The following TNC variants were observed in gnomAD, a reference collection of about 807,000 sequenced individuals.
TNC encodes the protein tenascin.
A neutral mutation model predicts 202.4 loss-of-function variants in TNC; 109 were observed. The observed-to-expected ratio is 0.54, with a 90% CI of 0.46 to 0.63. The LOEUF (loss-of-function observed/expected upper bound fraction) is 0.63, where lower values mean the gene tolerates loss of function less well. Ranked by LOEUF, TNC falls within the 30% of genes least tolerant of loss-of-function variation. TNC has a pLI of 0.00. For missense variants in TNC, 2,756 were observed against 2,833.3 expected (o/e 0.97, Z 0.62); for synonymous variants, 1,007 against 1,089.7 (o/e 0.92, Z 1.50).
Position 115,031,670 on chromosome 9 carries a change from G to A in TNC, c.5803C>T (p.Pro1935Ser), listed in dbSNP as rs1035122448. The A allele has an allele frequency of 6.2e-7, 1 of 1,609,928 alleles. No individual in the cohort carries two copies. The highest frequency in any genetic ancestry group is 8.5e-7 in the Non-Finnish European group (1 of 1,178,364). The stretch of plus-strand genomic sequence containing the variant: ...GCCAGGCTGTAGGAGGTGGTATCTG[G>A]ACCCACAATGACTTCCTAAGAGCAG... ...DGTVKEVIVG[P>S]DTTSYSLADL... is the part of the protein sequence containing the mutation. Residue 1935 changes from proline to serine, a missense_variant, in exon 23 of 28, where the codon CCA becomes TCA. Coordinates refer to ENST00000350763, the MANE Select transcript of TNC (RefSeq NM_002160.4).
intron 4 of TNC, among the ~76,000 whole-genome samples, chr9:115,083,378 T>G (rs529888326): frequency 8.5e-5 from 13 of 152,150 alleles, no homozygotes; most frequent in Non-Finnish European, 1.6e-4. Flanking sequence ...CCAGAATGTT[T>G]CCACTTAAAG....
intron 15 of TNC, among the ~76,000 whole-genome samples, chr9:115,051,096 T>G (rs1831612339): frequency 6.6e-6 from 1 of 152,222 alleles, no homozygotes; most frequent in Non-Finnish European, 1.5e-5. Flanking sequence ...AAGAGACTTC[T>G]AAATATTTTC....
intron 1 of TNC, among the ~76,000 whole-genome samples, chr9:115,098,481 A>G (rs1375972931): frequency 6.6e-6 from 1 of 152,220 alleles, no homozygotes; most frequent in Admixed American, 6.6e-5. Flanking sequence ...CGAAGAAATC[A>G]ACAATCTGAT....
intron 1 of TNC, 128 bp from the exon 2 acceptor site, chr9:115,091,282 TACCCTTGA>T: frequency 2.2e-6 from 1 of 454,808 alleles, no homozygotes; most frequent in Non-Finnish European, 3.9e-6. Context: ...TTTCATTATA[TACCCTTGA>T]AATAACATAC....
intron 24 of TNC, 114 bp downstream of exon 24, chr9:115,030,140 A>C: frequency 8.8e-7 from 1 of 1,136,412 alleles, no homozygotes; most frequent in Non-Finnish European, 1.2e-6. Flanking sequence ...GCAAGGCCTC[A>C]CACATGGGGG....
Position 115,086,167 on chromosome 9 carries a change from A to G in TNC, c.1564T>C (p.Phe522Leu), listed in dbSNP as rs1222034492. 1 of 1,614,142 alleles carries G rather than the reference A, an allele frequency of 6.2e-7. No homozygotes were observed. Among genetic ancestry groups the G allele is most frequent in the South Asian group, 1.1e-5 (1 of 91,084 alleles). ...AGTTCTGCACAGTCAGGGCCGGTGA[A>G]GCCGTCCTCACAGACGCACTGTCCG... Reference protein sequence around the residue: ...VDGQCVCEDGFTGPDCAELSC... With the variant: ...VDGQCVCEDGLTGPDCAELSC... Residue 522 changes from phenylalanine to leucine, a missense_variant, in exon 3 of 28, where the codon TTC (phenylalanine) becomes CTC (leucine). Phe to Leu is a conservative substitution (Grantham distance 22). Transcript: ENST00000350763.
In TNC at chr9:115,080,322, A is replaced by AT. The variant is rs34497044; in HGVS notation, c.2404+1449dup. Among the ~76,000 whole-genome samples, 335 of 145,338 alleles carry AT rather than the reference A, an allele frequency of 2.3e-3. 5 individuals carry two copies. Among genetic ancestry groups the AT allele is most frequent in the South Asian group, 0.018 (80 of 4,558 alleles). On this transcript the variant is annotated intron_variant, in intron 6 of 27. Transcript: ENST00000350763. ...TCTTTGTCTTTCTGGTGATCTAATGATTTTTTTTTCCTGTTGGTACCTGCT... is the reference window on the plus strand; with the variant it reads ...TCTTTGTCTTTCTGGTGATCTAATGATTTTTTTTTTCCTGTTGGTACCTGCT...
rs764500685 is a variant in TNC at position 115,090,999 on chromosome 9, A to G, written c.20T>C (p.Leu7Pro). 3 of 1,611,924 alleles carry G rather than the reference A, an allele frequency of 1.9e-6. No individual in the cohort carries two copies. Among genetic ancestry groups the G allele is most frequent in the Non-Finnish European group, 2.5e-6 (3 of 1,180,002 alleles). Residue 7 changes from leucine (L) to proline (P), a missense_variant, in exon 2 of 28, where the codon CTG becomes CCG. Coordinates refer to ENST00000350763, the MANE Select transcript of TNC (RefSeq NM_002160.4). ...GAAAGCAAGAAAGACACCTGCCAAC[A>G]GCTGAGTCATGGCCCCCATGGTGGA... MGAMTQ[L>P]LAGVFLAFLA... is the part of the protein sequence containing the mutation.
At chr9:115,044,697 A>G (rs1017269112) in intron 17 of TNC, among the ~76,000 whole-genome samples, 1 of 152,168 alleles carries the variant, frequency 6.6e-6, no homozygotes. Flanking sequence ...TCTGCCTCTG[A>G]TCTGGAGTCG....
chr9:115,023,212 A>G (rs1327669604), intron 27 of TNC, among the ~76,000 whole-genome samples: 14 of 152,052 alleles, frequency 9.2e-5, no homozygotes, highest in Non-Finnish European at 1.8e-4. Context: ...TGTGGCCCCA[A>G]GGGAAGATCC....
chr9:115,053,940 TAA>T (rs1345670661), intron 15 of TNC, among the ~76,000 whole-genome samples: 4 of 152,214 alleles, frequency 2.6e-5, no homozygotes, highest in African/African-American at 7.2e-5. Context: ...TCTTTTCTGT[TAA>T]AGTCTAGACA....
At chr9:115,089,194 G>T (rs1453291550) in intron 2 of TNC, among the ~76,000 whole-genome samples, 1 of 152,182 alleles carries the variant, frequency 6.6e-6, no homozygotes, top group African/African-American at 2.4e-5. Flanking sequence ...GAAACCTAGA[G>T]CCTGTCCTGC....
chr9:115,075,277 C>T (rs778859040), intron 9 of TNC, among the ~76,000 whole-genome samples: 3 of 152,080 alleles, frequency 2.0e-5, no homozygotes, highest in Admixed American at 6.5e-5. Flanking sequence ...CTACAAGCTG[C>T]GGCTACAGGA....
rs1182411618 is a variant in TNC, at chr9:115,086,549, A to C, written c.1182T>G (p.Cys394Trp). The C allele has an allele frequency of 6.2e-7, 1 of 1,613,870 alleles. No individual in the cohort carries two copies. The highest frequency in any genetic ancestry group is 1.1e-5 in the South Asian group (1 of 91,080). The change falls in exon 3 of 28, where the codon TGT becomes TGG. Residue 394 changes from cysteine to tryptophan, a missense_variant. Around this residue, in one of 2 missense-constraint regions of TNC, gnomAD observed 2,559 missense variants for 2,546.0 expected, o/e 1.01. Transcript: ENST00000350763. ...RGRCVDGRCECDDGFTGADCG... is the reference protein window; with the variant it reads ...RGRCVDGRCEWDDGFTGADCG... ...AGTCAGCTCCAGTGAAACCATCATCACACTCACACCGCCCGTCTACACAGC... is the reference window on the plus strand; with the variant it reads ...AGTCAGCTCCAGTGAAACCATCATCCCACTCACACCGCCCGTCTACACAGC...
chr9:115,048,587 G>C, intron 15 of TNC, 55 bp from the exon 16 acceptor site: 1 of 1,527,440 alleles, frequency 6.5e-7, no homozygotes, highest in East Asian at 2.3e-5. Context: ...ACTCTGTCAG[G>C]ATAGCACACG....
intron 15 of TNC, among the ~76,000 whole-genome samples, chr9:115,049,072 GT>G (rs34528869): frequency 6.6e-6 from 1 of 151,744 alleles, no homozygotes; most frequent in East Asian, 1.9e-4. Flanking sequence ...GAGGAGGTAA[GT>G]TTTTTTTGTG....
intron 1 of TNC, chr9:115,115,074 T>G (rs1837364994): frequency 6.6e-6 from 1 of 152,224 alleles, no homozygotes; most frequent in South Asian, 2.1e-4. Flanking sequence ...TATGTTTTCT[T>G]GTAAGAAAGC....
chr9:115,066,443 C>T (rs1003960598), intron 10 of TNC, among the ~76,000 whole-genome samples: 2 of 152,190 alleles, frequency 1.3e-5, no homozygotes, highest in African/African-American at 4.8e-5. Flanking sequence ...TTAGAGCAGG[C>T]TACTAAGTTG....
chr9:115,021,644 G>GGTGT (rs148139348), intron 27 of TNC, among the ~76,000 whole-genome samples: 4 of 151,488 alleles, frequency 2.6e-5, no homozygotes, highest in African/African-American at 7.3e-5. Flanking sequence ...CTACATACAT[G>GGTGT]GTGTGTGTGT....
Sources: allele counts gnomAD v4.1 joint callset (sites outside exome capture counted in the v4.1 genomes callset), GRCh38; gene constraint gnomAD v4.1.1; regional missense constraint gnomAD v4.1.1; transcripts MANE v1.5; gene names NCBI Gene and HGNC (gene_info 2026-07-23, HGNC 2026-07-21).